TUSC3: variants seen among roughly 807,000 people sequenced by gnomAD.
TUSC3 encodes tumor suppressor candidate 3.
Under a neutral mutation model 44.8 loss-of-function variants are expected in TUSC3, and 45 were observed. That is an observed-to-expected ratio of 1.00 (90% CI 0.79 to 1.29). The LOEUF (loss-of-function observed/expected upper bound fraction) is 1.29, where lower values mean the gene tolerates loss of function less well. Ranked by LOEUF, TUSC3 falls within the 50% of genes most tolerant of loss-of-function variation. The probability of loss-of-function intolerance (pLI) is 0.00; values close to 1 mark genes in which losing one functional copy is unlikely to be tolerated. For synonymous variants in TUSC3, 212 were observed against 152.9 expected, an observed-to-expected ratio of 1.39 and a Z score of -2.85; for missense variants, 519 against 437.9, an observed-to-expected ratio of 1.19 and a Z score of -1.65.
In TUSC3 at chr8:15,459,832, TTGTGTGTGTGTGTGTG is replaced by T. The variant is rs35529446; in HGVS notation, n.92-23546_92-23531del. Among the ~76,000 whole-genome samples the T allele has an allele frequency of 1.7e-3, 246 of 148,630 alleles. 1 individual carries two copies. The highest frequency in any genetic ancestry group is 5.8e-3 in the African/African-American group (236 of 40,456). ...CTTTTATGGCTAAGTAGTATTCCAT[TTGTGTGTGTGTGTGTG>T]TGTGTGTATGTGTGTGTGTGTGTGT... is the stretch of plus-strand genomic sequence containing the variant. On this transcript the variant is annotated intron_variant and non_coding_transcript_variant, in intron 1 of 5. Transcript: ENST00000503191.
At chr8:15,546,472 A>C (rs1801866715) in intron 1 of TUSC3, among the ~76,000 whole-genome samples, 1 of 151,776 alleles carries the variant, frequency 6.6e-6, no homozygotes, top group African/African-American at 2.4e-5. Context: ...TACATAGATA[A>C]GTAAGACATA....
chr8:15,471,676 C>CCAGCCT (rs986319946), intron 1 of TUSC3, among the ~76,000 whole-genome samples: 1 of 149,558 alleles, frequency 6.7e-6, no homozygotes, highest in Non-Finnish European at 1.5e-5. Flanking sequence ...GGAGAACAAT[C>CCAGCCT]GTGTGATCTC....
chr8:15,689,464 C>T (rs1050249927), intron 6 of TUSC3: 25 of 173,986 alleles, frequency 1.4e-4, no homozygotes, highest in South Asian at 3.1e-4. Flanking sequence ...AAGAAGGCCG[C>T]AGCTGGGTCT....
chr8:15,434,013 T>A lies in TUSC3; in HGVS notation n.91+16708T>A, dbSNP rs781250965. 2.7e-4 allele frequency among the ~76,000 whole-genome samples: 41 copies of A among 151,424 alleles called. 1 individual carries two copies. The highest frequency in any genetic ancestry group is 5.6e-4 in the Non-Finnish European group (38 of 67,692). ...TACTGTGTCATATACTAAGTATATA[T>A]TTAACTTCATGAGAAACTAAACAGT... On this transcript the variant is annotated intron_variant and non_coding_transcript_variant, in intron 1 of 5. Coordinates refer to the TUSC3 transcript ENST00000503191.
chr8:15,504,609 ATATATATATATATTT>A (rs1350635504), intron 2 of TUSC3, among the ~76,000 whole-genome samples: 685 of 25,946 alleles, frequency 0.026, 13 homozygotes, highest in African/African-American at 0.091. Flanking sequence ...ATATATATAT[ATATATATATATATTT>A]TTTTTTTTTT....
chr8:15,654,569 T>C (rs1430420679), intron 3 of TUSC3, among the ~76,000 whole-genome samples: 42 of 152,240 alleles, frequency 2.8e-4, no homozygotes, highest in Non-Finnish European at 1.2e-4. Flanking sequence ...ATGAACTTAT[T>C]AAAAAAGGTT....
chr8:15,584,796 G>A (rs1004669372), intron 1 of TUSC3, among the ~76,000 whole-genome samples: 1 of 152,068 alleles, frequency 6.6e-6, no homozygotes, highest in Non-Finnish European at 1.5e-5. Context: ...TGAGTTTAGG[G>A]AATTTCAAAT....
At chr8:15,551,937 T>C (rs980032579) in intron 1 of TUSC3, among the ~76,000 whole-genome samples, 3 of 151,682 alleles carry the variant, frequency 2.0e-5, no homozygotes, top group Admixed American at 6.6e-5. Flanking sequence ...ACACAGTAAA[T>C]AGATGATTCC....
At chr8:15,769,861 A>C (rs551647679), downstream of TUSC3, among the ~76,000 whole-genome samples, 32 of 152,338 alleles carry the variant, frequency 2.1e-4, no homozygotes, top group East Asian at 4.3e-3. Flanking sequence ...TTAAAACCAC[A>C]GTGAGATACC....
At chr8:15,539,547 C>T (rs905951344), upstream of TUSC3, among the ~76,000 whole-genome samples, 1 of 151,662 alleles carries the variant, frequency 6.6e-6, no homozygotes, top group Non-Finnish European at 1.5e-5. Context: ...AATGGGGTTT[C>T]CCCATGTTAC....
chr8:15,622,806 C>T lies in TUSC3; in HGVS notation c.139-274C>T, dbSNP rs904816569. 1.0e-4 allele frequency among the ~76,000 whole-genome samples: 15 copies of T among 143,262 alleles called. 1 individual carries two copies. The highest frequency in any genetic ancestry group is 3.7e-4 in the African/African-American group (15 of 41,052). 94.0% of individuals were successfully genotyped at this position (143,262 alleles called of 152,430 possible). ...ATAGCAAGAGCTTACTTTTCTTGAGCCTTCTTTTTTTTTATGTCAACCCCC... is the reference window on the plus strand; with the variant it reads ...ATAGCAAGAGCTTACTTTTCTTGAGTCTTCTTTTTTTTTATGTCAACCCCC... On this transcript the variant is annotated intron_variant, in intron 1 of 10. Coordinates refer to ENST00000503731, the MANE Select transcript of TUSC3 (RefSeq NM_006765.4).
At chr8:15,775,872 C>A in the TUSC3 span, among the ~76,000 whole-genome samples, 2 of 150,946 alleles carry the variant, frequency 1.3e-5, no homozygotes, top group African/African-American at 4.9e-5. Context: ...TATATAGGAG[C>A]AAGATGCTTA....
At chr8:15,836,331 A>AAAAG in the TUSC3 span, among the ~76,000 whole-genome samples, 5 of 151,556 alleles carry the variant, frequency 3.3e-5, no homozygotes, top group African/African-American at 1.2e-4. Context: ...CTTAAAAAAA[A>AAAAG]AAAAATTGCG....
At chr8:15,556,479 C>T (rs1374732007) in intron 1 of TUSC3, among the ~76,000 whole-genome samples, 1 of 151,372 alleles carries the variant, frequency 6.6e-6, no homozygotes, top group African/African-American at 2.4e-5. Flanking sequence ...TGCATGTGTC[C>T]TTATAGCAAT....
At chr8:15,775,695 CACACAT>C in the TUSC3 span, among the ~76,000 whole-genome samples, 1 of 147,704 alleles carries the variant, frequency 6.8e-6, no homozygotes, top group Non-Finnish European at 1.5e-5. Context: ...TATGTACACA[CACACAT>C]ATATACATAT....
At chr8:15,791,645 C>G in the TUSC3 span, among the ~76,000 whole-genome samples, 3 of 152,110 alleles carry the variant, frequency 2.0e-5, no homozygotes, top group Non-Finnish European at 2.9e-5. Flanking sequence ...TGCTCAAATA[C>G]AAAACCATTT....
intron 6 of TUSC3, among the ~76,000 whole-genome samples, chr8:15,684,718 C>T (rs1296341090): frequency 6.6e-6 from 1 of 152,170 alleles, no homozygotes; most frequent in Non-Finnish European, 1.5e-5. Context: ...CCCACTCAAG[C>T]TAAGGCCACA....
the TUSC3 span, among the ~76,000 whole-genome samples, chr8:15,838,176 A>G: frequency 6.6e-6 from 1 of 152,174 alleles, no homozygotes; most frequent in African/African-American, 2.4e-5. Flanking sequence ...TAGCCTGTGC[A>G]CAGATTTTGT....
chr8:15,491,900 ATAATT>A (rs1020131945), intron 2 of TUSC3, among the ~76,000 whole-genome samples: 2 of 152,218 alleles, frequency 1.3e-5, no homozygotes, highest in African/African-American at 4.8e-5. Flanking sequence ...GCTGTTCCAC[ATAATT>A]TAATTTACTT....
Sources: allele counts gnomAD v4.1 joint callset (sites outside exome capture counted in the v4.1 genomes callset), GRCh38; gene constraint gnomAD v4.1.1; transcripts MANE v1.5; gene names NCBI Gene and HGNC (gene_info 2026-07-23, HGNC 2026-07-21).